WDR70: variants seen among roughly 807,000 people sequenced by gnomAD.
WDR70 encodes WD repeat domain 70.
In WDR70, 53 loss-of-function variants were observed where a neutral mutation model predicts 88.6. The observed-to-expected ratio is 0.60, with a 90% CI of 0.48 to 0.75. The LOEUF (loss-of-function observed/expected upper bound fraction) is 0.75. Ranked by LOEUF, WDR70 falls within the 30% of genes least tolerant of loss-of-function variation. The probability of loss-of-function intolerance (pLI) is 0.00; values close to 1 mark genes in which losing one functional copy is unlikely to be tolerated. For synonymous variants in WDR70, 280 were observed against 270.0 expected, an observed-to-expected ratio of 1.04 and a Z score of -0.36; for missense variants, 610 against 823.2, an observed-to-expected ratio of 0.74 and a Z score of 3.17.
intron 10 of WDR70, among the ~76,000 whole-genome samples, chr5:37,625,853 T>C (rs2112514416): frequency 6.6e-6 from 1 of 152,210 alleles, no homozygotes; most frequent in South Asian, 2.1e-4. Flanking sequence ...TTGGATTTGT[T>C]TTTGTTTGTT....
chr5:37,639,632 A>G (rs959819270), intron 10 of WDR70, among the ~76,000 whole-genome samples: 1 of 152,040 alleles, frequency 6.6e-6, no homozygotes, highest in Non-Finnish European at 1.5e-5. Context: ...TGCCAGTGTC[A>G]TCTGTTTTGG....
chr5:37,622,747 G>C (rs903518273), intron 10 of WDR70, among the ~76,000 whole-genome samples: 55 of 152,152 alleles, frequency 3.6e-4, no homozygotes, highest in Non-Finnish European at 6.5e-4. Flanking sequence ...GTTGTGGGGT[G>C]GGGGGAGCGG....
At chr5:37,649,733 C>CTTTTTTTTTTTTTTTTTTTTTTT (rs70978834) in intron 10 of WDR70, among the ~76,000 whole-genome samples, 2 of 68,740 alleles carry the variant, frequency 2.9e-5, no homozygotes, top group African/African-American at 1.3e-4. Context: ...GTTATTACTT[C>CTTTTTTTTTTTTTTTTTTTTTTT]TTTTTTTTTT....
chr5:37,679,233 G>A (rs949182077), intron 10 of WDR70, among the ~76,000 whole-genome samples: 13 of 152,104 alleles, frequency 8.5e-5, no homozygotes, highest in South Asian at 2.1e-4. Context: ...CTCTCAACTC[G>A]TCAGTGTCAT....
chr5:37,600,949 T>G (rs1370957868), intron 9 of WDR70, among the ~76,000 whole-genome samples: 1 of 152,228 alleles, frequency 6.6e-6, no homozygotes, highest in African/African-American at 2.4e-5. Context: ...TGGTAGAGTC[T>G]TTAGAGTTTT....
intron 13 of WDR70, among the ~76,000 whole-genome samples, chr5:37,707,542 C>T (rs1214735774): frequency 6.6e-6 from 1 of 152,018 alleles, no homozygotes; most frequent in African/African-American, 2.4e-5. Flanking sequence ...TCTAGCATAA[C>T]CTAGCATATA....
chr5:37,656,048 G>A (rs1279325644), intron 10 of WDR70, among the ~76,000 whole-genome samples: 6 of 117,276 alleles, frequency 5.1e-5, no homozygotes, highest in African/African-American at 1.6e-4. Flanking sequence ...CAGCCTTTTT[G>A]CCCTGGTTTT....
chr5:37,536,096 T>C (rs1388223692), intron 9 of WDR70, among the ~76,000 whole-genome samples: 1 of 152,180 alleles, frequency 6.6e-6, no homozygotes, highest in African/African-American at 2.4e-5. Flanking sequence ...GTGGTGGTGC[T>C]ACCACATTGT....
chr5:37,467,475 C>T (rs1739190954), intron 7 of WDR70, among the ~76,000 whole-genome samples: 1 of 151,470 alleles, frequency 6.6e-6, no homozygotes, highest in Non-Finnish European at 1.5e-5. Flanking sequence ...ACCTAATTCT[C>T]TCCTAAAGGC....
chr5:37,389,619 C>T (rs1015618636), intron 3 of WDR70, among the ~76,000 whole-genome samples: 18 of 152,204 alleles, frequency 1.2e-4, no homozygotes, highest in East Asian at 1.9e-4. Context: ...TCCCCGTGTT[C>T]GCCAAGATGG....
intron 5 of WDR70, among the ~76,000 whole-genome samples, chr5:37,430,029 C>G (rs59064639): frequency 6.6e-6 from 1 of 152,222 alleles, no homozygotes; most frequent in African/African-American, 2.4e-5. Flanking sequence ...TTCTCAGTAA[C>G]ATAGTGTTAA....
chr5:37,466,201 G>T (rs1369405846), intron 7 of WDR70, among the ~76,000 whole-genome samples: 1 of 152,150 alleles, frequency 6.6e-6, no homozygotes, highest in African/African-American at 2.4e-5. Flanking sequence ...TTATCCAATG[G>T]ACTTTTATAG....
intron 10 of WDR70, among the ~76,000 whole-genome samples, chr5:37,694,461 A>G (rs868796560): frequency 6.6e-5 from 10 of 152,174 alleles, no homozygotes; most frequent in African/African-American, 1.4e-4. Flanking sequence ...ATGTCCATCA[A>G]TGGTAGACTG....
At chr5:37,717,039 G>A (rs1438139755) in intron 13 of WDR70, among the ~76,000 whole-genome samples, 1 of 151,994 alleles carries the variant, frequency 6.6e-6, no homozygotes, top group East Asian at 1.9e-4. Context: ...TCATGCTTAT[G>A]GTCTCCTATT....
At chr5:37,438,549 A>G (rs1194953645) in intron 6 of WDR70, among the ~76,000 whole-genome samples, 2 of 152,294 alleles carry the variant, frequency 1.3e-5, no homozygotes, top group South Asian at 2.1e-4. Flanking sequence ...TTGCAAAGCC[A>G]CTAAAAAGTA....
At chr5:37,466,456 C>A (rs1739151151) in intron 7 of WDR70, among the ~76,000 whole-genome samples, 1 of 151,996 alleles carries the variant, frequency 6.6e-6, no homozygotes, top group Admixed American at 6.5e-5. Context: ...CCTGTAATCC[C>A]AGCACTTTGG....
intron 9 of WDR70, among the ~76,000 whole-genome samples, chr5:37,591,158 C>A (rs1743520041): frequency 6.6e-6 from 1 of 152,026 alleles, no homozygotes; most frequent in African/African-American, 2.4e-5. Context: ...TATGGTGAAA[C>A]CCTATCTCTT....
intron 7 of WDR70, among the ~76,000 whole-genome samples, chr5:37,461,056 C>T (rs1317572502): frequency 1.4e-5 from 2 of 144,812 alleles, no homozygotes; most frequent in Non-Finnish European, 3.0e-5. Context: ...TGTGTGTGTG[C>T]ATATCTATTG....
intron 9 of WDR70, among the ~76,000 whole-genome samples, chr5:37,582,735 C>G (rs1743253333): frequency 6.6e-6 from 1 of 152,198 alleles, no homozygotes. Context: ...AGCTTTGATT[C>G]ATATTATTGT....
Sources: allele counts gnomAD v4.1 joint callset (sites outside exome capture counted in the v4.1 genomes callset), GRCh38; gene constraint gnomAD v4.1.1; transcripts MANE v1.5; gene names NCBI Gene and HGNC (gene_info 2026-07-23, HGNC 2026-07-21).